Variants in FHIT observed in about 807,000 individuals in gnomAD.
FHIT encodes the protein bis(5'-adenosyl)-triphosphatase.
In FHIT, 19 loss-of-function variants were observed where a neutral mutation model predicts 17.9. That is an observed-to-expected ratio of 1.06 (90% CI 0.74 to 1.56). FHIT has a LOEUF of 1.56. Ranked by LOEUF, FHIT falls within the 40% of genes most tolerant of loss-of-function variation. The probability of loss-of-function intolerance (pLI) is 0.00; values close to 1 mark genes in which losing one functional copy is unlikely to be tolerated. For synonymous variants in FHIT, 81 were observed against 69.7 expected, an observed-to-expected ratio of 1.16 and a Z score of -0.81; for missense variants, 248 against 189.2, an observed-to-expected ratio of 1.31 and a Z score of -1.82.
At chr3:59,858,288 G>C (rs988906719) in intron 8 of FHIT, among the ~76,000 whole-genome samples, 1 of 140,866 alleles carries the variant, frequency 7.1e-6, no homozygotes, top group Non-Finnish European at 1.5e-5. Context: ...GTGCAGTGGA[G>C]CGATCTCGGC....
intron 7 of FHIT, among the ~76,000 whole-genome samples, chr3:59,975,291 AACCTTATGAAGTGTTT>A (rs1708359804): frequency 6.6e-6 from 1 of 152,102 alleles, no homozygotes; most frequent in African/African-American, 2.4e-5. Context: ...CTAAGTCCCA[AACCTTATGAAGTGTTT>A]ATCTTGGGCA....
intron 5 of FHIT, among the ~76,000 whole-genome samples, chr3:60,502,707 G>C (rs1243705446): frequency 2.6e-5 from 4 of 152,146 alleles, no homozygotes; most frequent in East Asian, 1.9e-4. Flanking sequence ...CAATGGCAGT[G>C]ACAAAACCGT....
At chr3:60,188,196 A>C (rs1175715268) in intron 5 of FHIT, among the ~76,000 whole-genome samples, 1 of 139,062 alleles carries the variant, frequency 7.2e-6, no homozygotes, top group Non-Finnish European at 1.5e-5. Flanking sequence ...AGGGATCTTG[A>C]CAGTTTCTTT....
At chr3:61,094,916 T>C (rs72877864) in intron 2 of FHIT, among the ~76,000 whole-genome samples, 1,588 of 152,308 alleles carry the variant, frequency 0.01, 21 homozygotes, top group African/African-American at 0.035. Flanking sequence ...TTATACATTG[T>C]TTATTTCTGG....
At chr3:60,915,714 CT>C (rs1706962548) in intron 3 of FHIT, among the ~76,000 whole-genome samples, 1 of 152,010 alleles carries the variant, frequency 6.6e-6, no homozygotes, top group Admixed American at 6.6e-5. Context: ...TTTAGGTGTT[CT>C]AAAATAAAGT....
chr3:59,809,636 A>G (rs190841553), intron 8 of FHIT, among the ~76,000 whole-genome samples: 2 of 152,350 alleles, frequency 1.3e-5, no homozygotes, highest in East Asian at 1.9e-4. Context: ...ACTTCTGAAC[A>G]CGGGTTTAGA....
At chr3:59,899,697 T>G (rs1415718513) in intron 8 of FHIT, among the ~76,000 whole-genome samples, 1 of 148,948 alleles carries the variant, frequency 6.7e-6, no homozygotes, top group Non-Finnish European at 1.5e-5. Flanking sequence ...AAAAAAAAAA[T>G]TAGCTGGGTA....
At chr3:61,196,207 C>T (rs958093509) in intron 2 of FHIT, among the ~76,000 whole-genome samples, 3 of 151,990 alleles carry the variant, frequency 2.0e-5, no homozygotes, top group African/African-American at 7.2e-5. Context: ...GTTGCTAATT[C>T]TGGGAAGCAA....
intron 8 of FHIT, among the ~76,000 whole-genome samples, chr3:59,824,198 T>C (rs1184785746): frequency 2.0e-5 from 3 of 152,128 alleles, no homozygotes; most frequent in Admixed American, 1.3e-4. Flanking sequence ...TTAGACTTTC[T>C]CTATCCCTAT....
chr3:60,516,202 GAACT>G (rs1310414515), intron 5 of FHIT, among the ~76,000 whole-genome samples: 4 of 152,036 alleles, frequency 2.6e-5, no homozygotes, highest in African/African-American at 9.7e-5. Flanking sequence ...TTCCAAGTTA[GAACT>G]AAGAAAATTC....
chr3:60,343,595 C>T (rs185603057), intron 5 of FHIT, among the ~76,000 whole-genome samples: 2 of 152,296 alleles, frequency 1.3e-5, no homozygotes, highest in African/African-American at 4.8e-5. Flanking sequence ...TTTTCCACTA[C>T]GCTTTGCCAT....
chr3:60,514,822 C>T (rs1010529678), intron 5 of FHIT, among the ~76,000 whole-genome samples: 2 of 151,968 alleles, frequency 1.3e-5, no homozygotes, highest in Admixed American at 6.6e-5. Flanking sequence ...CACATGAAAG[C>T]GTTCCTACAG....
intron 5 of FHIT, among the ~76,000 whole-genome samples, chr3:60,068,703 T>C (rs565478092): frequency 9.8e-5 from 15 of 152,286 alleles, no homozygotes; most frequent in African/African-American, 3.1e-4. Flanking sequence ...ACAATTAAAG[T>C]CTCAAATAAA....
chr3:61,156,030 A>T (rs911609191), intron 2 of FHIT, among the ~76,000 whole-genome samples: 1 of 152,174 alleles, frequency 6.6e-6, no homozygotes, highest in African/African-American at 2.4e-5. Context: ...CTGATGCCCT[A>T]ACAAGCTTCT....
chr3:60,338,742 T>C (rs1461621338), intron 5 of FHIT, among the ~76,000 whole-genome samples: 1 of 152,214 alleles, frequency 6.6e-6, no homozygotes, highest in Non-Finnish European at 1.5e-5. Flanking sequence ...TGGCACATAA[T>C]GGTGGTACTG....
intron 8 of FHIT, among the ~76,000 whole-genome samples, chr3:59,848,002 G>A (rs1354926949): frequency 6.6e-6 from 1 of 152,184 alleles, no homozygotes; most frequent in African/African-American, 2.4e-5. Context: ...TTCAGCTAGA[G>A]AGGAAGGTAC....
intron 5 of FHIT, among the ~76,000 whole-genome samples, chr3:60,053,128 T>C (rs910473283): frequency 6.6e-6 from 1 of 151,988 alleles, no homozygotes; most frequent in Non-Finnish European, 1.5e-5. Context: ...TCTTTCCATT[T>C]AGAATGTGTT....
In FHIT at chr3:60,649,557, C is replaced by T. The variant is rs148491880; in HGVS notation, c.-17-112578G>A. Among the ~76,000 whole-genome samples the T allele has an allele frequency of 1.4e-4, 22 of 152,034 alleles. No individual in the cohort carries two copies. The East Asian group carries it at 3.5e-3, about 24-fold the overall frequency. ...AATACTATACTGAAATTATAAATGACGATATAAAATTCTATGGACATGATA... is the reference window on the plus strand; with the variant it reads ...AATACTATACTGAAATTATAAATGATGATATAAAATTCTATGGACATGATA... On this transcript the variant is annotated intron_variant, in intron 4 of 9. Transcript: ENST00000492590.
chr3:61,112,835 G>T (rs555096520), intron 2 of FHIT, among the ~76,000 whole-genome samples: 2 of 152,272 alleles, frequency 1.3e-5, no homozygotes, highest in South Asian at 4.2e-4. Flanking sequence ...CGGTCAAGAG[G>T]CTGATGAGGC....
Sources: allele counts gnomAD v4.1 joint callset (sites outside exome capture counted in the v4.1 genomes callset), GRCh38; gene constraint gnomAD v4.1.1; transcripts MANE v1.5; gene names NCBI Gene and HGNC (gene_info 2026-07-23, HGNC 2026-07-21).